Variants in MUC5B observed in about 807,000 individuals in gnomAD.
MUC5B encodes mucin 5B, oligomeric mucus/gel-forming.
A neutral mutation model predicts 376.9 loss-of-function variants in MUC5B; 116 were observed. The ratio of observed to expected loss-of-function variants is 0.31; its 90% CI spans 0.26 to 0.36. MUC5B has a LOEUF of 0.36. Ranked by LOEUF, MUC5B falls within the 10% of genes least tolerant of loss-of-function variation. The pLI is 1.00. For missense variants in MUC5B, 7,165 were observed against 7,769.9 expected, an observed-to-expected ratio of 0.92 and a Z score of 2.93; for synonymous variants, 3,517 against 3,390.9, an observed-to-expected ratio of 1.04 and a Z score of -1.29.
intron 9 of MUC5B, among the ~76,000 whole-genome samples, 185 bp downstream of exon 9, chr11:1,229,480 G>A (rs530085736): frequency 6.6e-6 from 1 of 152,278 alleles, no homozygotes; most frequent in Admixed American, 6.5e-5. Context: ...GAGGGAGGTA[G>A]AGCAGTGCCA....
intron 47 of MUC5B, 70 bp from the exon 48 acceptor site, chr11:1,260,556 C>G: frequency 2.7e-6 from 4 of 1,493,256 alleles, no homozygotes; most frequent in Middle Eastern, 1.7e-4. Flanking sequence ...TGGGGAGGGT[C>G]GGCCCAGCAA....
At position 1,246,569 on chromosome 11, in the gene MUC5B, C is replaced by G. The variant is rs754407460; in HGVS notation, c.9689C>G (p.Thr3230Ser). 9.3e-6 allele frequency: 15 copies of G among 1,613,590 alleles called. No individual in the cohort carries two copies. Among genetic ancestry groups the G allele is most frequent in the Non-Finnish European group, 1.3e-5 (15 of 1,179,734 alleles). The change falls in exon 31 of 49, where the codon ACC becomes AGC. Residue 3230 changes from threonine (T) to serine (S), a missense_variant. Coordinates refer to ENST00000529681, the MANE Select transcript of MUC5B (RefSeq NM_002458.3). ...CTTCCAGCACTGAGAAGCACAGCCA[C>G]CACACCCACAGCTACCAGCGTTACA... Reference protein sequence around the residue: ...TALPALRSTATTPTATSVTAI... With the variant: ...TALPALRSTASTPTATSVTAI...
In MUC5B at chr11:1,227,382, C is replaced by T. The variant is rs367602477; in HGVS notation, c.651C>T (p.Asn217=). Residue 217 remains asparagine, a synonymous_variant, in exon 6 of 49, where the codon AAC becomes AAT. Transcript: ENST00000529681. ...ACTTCAACGGCCTCCCGGCCTTCAA[C>T]GAGTTCTATGCCCACAGTGAGTGCC... is the stretch of plus-strand genomic sequence containing the variant. The part of the protein sequence containing the change: ...CGDFNGLPAF[N]EFYAHNARLT... The T allele has an allele frequency of 6.5e-5, 105 of 1,611,228 alleles. 1 individual carries two copies. The highest frequency in any genetic ancestry group is 4.9e-4 in the Middle Eastern group (3 of 6,076).
At chr11:1,256,536 C>T (rs1590192304) in intron 38 of MUC5B, 135 bp from the exon 39 acceptor site, 2 of 426,040 alleles carry the variant, frequency 4.7e-6, no homozygotes, top group Non-Finnish European at 4.2e-6. Flanking sequence ...CCCCCAGCCC[C>T]GCCCACCCTG....
Position 1,258,863 on chromosome 11 carries a change from G to A in MUC5B, c.16594-79G>A. 1 of 1,513,702 alleles carries A rather than the reference G, an allele frequency of 6.6e-7. No individual in the cohort carries two copies. The highest frequency in any genetic ancestry group is 1.2e-5 in the South Asian group (1 of 82,110). The allele number at this position is 1,513,702 out of a possible 1,614,324, so 93.8% of individuals were successfully genotyped here. Reference sequence around the variant, plus strand: ...CTGAGGAAGGAACAACTCCCTGCAGGCCCCATTGGGTCATGGGGAGGGGTC... The same window carrying A: ...CTGAGGAAGGAACAACTCCCTGCAGACCCCATTGGGTCATGGGGAGGGGTC... On this transcript the variant is annotated intron_variant, in intron 43 of 48. Coordinates refer to ENST00000529681, the MANE Select transcript of MUC5B (RefSeq NM_002458.3). This position sits in a 1 kb window ranked among gnomAD's most constrained non-coding sequence, Gnocchi z 5.5.
Position 1,233,087 on chromosome 11 carries a change from G to T in MUC5B, c.2140G>T (p.Gly714Cys). The T allele has an allele frequency of 6.2e-7, 1 of 1,607,482 alleles. No individual in the cohort carries two copies. ...GGATGCCTGCCAGCCCACTTGCCGC[G>T]GCCTGAGTGAGGCCGACGTCACCTG... Reference protein sequence around the residue: ...VVDACQPTCRGLSEADVTCSV... With the variant: ...VVDACQPTCRCLSEADVTCSV... Residue 714 changes from glycine to cysteine, a missense_variant, in exon 18 of 49, where the codon GGC becomes TGC. Gly to Cys is a radical substitution (Grantham distance 159). Around this residue, in one of 31 missense-constraint regions of MUC5B, gnomAD observed 530 missense variants for 604.0 expected, o/e 0.88. Transcript: ENST00000529681.
Position 1,244,913 on chromosome 11 carries a change from C to T in MUC5B, c.8033C>T (p.Ser2678Phe), listed in dbSNP as rs761404416. The change falls in exon 31 of 49, where the codon TCC (serine) becomes TTC (phenylalanine). Residue 2678 changes from serine to phenylalanine, a missense_variant. Around this residue, in one of 31 missense-constraint regions of MUC5B, gnomAD observed 141 missense variants for 111.2 expected, o/e 1.27. Transcript: ENST00000529681. ...TVATGSMATP[S>F]SSTQTSGTPP... Reference sequence around the variant, plus strand: ...GCCACTGGTTCTATGGCAACACCCTCCTCTAGCACACAGACCAGTGGTACT... The same window carrying T: ...GCCACTGGTTCTATGGCAACACCCTTCTCTAGCACACAGACCAGTGGTACT... 3.1e-6 allele frequency: 5 copies of T among 1,602,260 alleles called. No individual in the cohort carries two copies. The highest frequency in any genetic ancestry group is 2.2e-5 in the South Asian group (2 of 90,006).
intron 2 of MUC5B, among the ~76,000 whole-genome samples, chr11:1,225,955 C>T (rs946259714): frequency 3.3e-5 from 5 of 152,376 alleles, no homozygotes; most frequent in Admixed American, 1.3e-4. Flanking sequence ...GAAGCACACG[C>T]GTGGACAGGC....
At position 1,249,953 on chromosome 11, in the gene MUC5B, A is replaced by C. The variant is rs1313705443; in HGVS notation, c.13073A>C (p.Glu4358Ala). The change falls in exon 31 of 49, where the codon GAG becomes GCG. Residue 4358 changes from glutamate to alanine, a missense_variant. Glu to Ala is a moderately radical substitution (Grantham distance 107, BLOSUM62 -1). Transcript: ENST00000529681. ...ACAATCCACCCCTCCTCCACTCCGG[A>C]GACCACCCACACCTCCACAGTGCTG... ...MSTIHPSSTPETTHTSTVLTT... is the reference protein window; with the variant it reads ...MSTIHPSSTPATTHTSTVLTT... 6.2e-7 allele frequency: 1 copy of C among 1,608,430 alleles called. No individual in the cohort carries two copies. The highest frequency in any genetic ancestry group is 1.1e-5 in the South Asian group (1 of 90,806).
Position 1,246,237 on chromosome 11 carries a change from C to G in MUC5B, c.9357C>G (p.Thr3119=), listed in dbSNP as rs779956375. The G allele has an allele frequency of 1.9e-6, 3 of 1,612,536 alleles. No individual in the cohort carries two copies. Among genetic ancestry groups the G allele is most frequent in the South Asian group, 2.2e-5 (2 of 90,994 alleles). The change falls in exon 31 of 49, where the codon ACC becomes ACG. Residue 3119 remains threonine, a synonymous_variant. Coordinates refer to ENST00000529681, the MANE Select transcript of MUC5B (RefSeq NM_002458.3). ...LTTKATTTRA[T]SSMSTPSSTP... ...CGAAGGCCACCACGACAAGGGCCAC[C>G]AGTTCCATGTCCACCCCCTCCTCCA...
rs1300375881 is a variant in MUC5B, at chr11:1,239,423, C to T, written c.3455-15C>T. 1 of 1,603,446 alleles carries T rather than the reference C, an allele frequency of 6.2e-7. No homozygotes were observed. Among genetic ancestry groups the T allele is most frequent in the Non-Finnish European group, 8.5e-7 (1 of 1,173,566 alleles). ...CTGGTGGGCGCCTCCTTAGCCTCTG[C>T]CCTCTGTGCCCCAGCCTTGTTCTGT... On this transcript the variant is annotated splice_polypyrimidine_tract_variant and intron_variant, in intron 26 of 48. Coordinates refer to ENST00000529681, the MANE Select transcript of MUC5B (RefSeq NM_002458.3).
rs747368847 is a variant in MUC5B, at chr11:1,230,600, G to A, written c.1470G>A (p.Thr490=). ...CGCTCAGCCTGGACGGCGGGGACAC[G>A]GTGAGGACCTGGCTGGGGCCCTGGG... ...AVTLSLDGGD[T]AIRVQADGGV... The change falls in exon 12 of 49, where the codon ACG becomes ACA. Residue 490 remains threonine, a splice_region_variant and synonymous_variant. Coordinates refer to ENST00000529681, the MANE Select transcript of MUC5B (RefSeq NM_002458.3). The A allele has an allele frequency of 6.9e-6, 11 of 1,605,554 alleles. No homozygotes were observed. In the Admixed American group the frequency reaches 1.2e-4, roughly 17 times the overall value.
rs375254565 is a variant in MUC5B at position 1,250,760 on chromosome 11, C to T, written c.13880C>T (p.Thr4627Ile). ...VWISTTTTPT[T>I]TTPTTSGSTV... ...ATCAGCACAACCACCACACCCACAACCACCACACCCACAACCAGTGGCTCC... is the reference window on the plus strand; with the variant it reads ...ATCAGCACAACCACCACACCCACAATCACCACACCCACAACCAGTGGCTCC... The change falls in exon 31 of 49, where the codon ACC becomes ATC. Residue 4627 changes from threonine to isoleucine, a missense_variant. Physicochemically the swap from Thr to Ile is moderately conservative, Grantham distance 89 (BLOSUM62 -1). Transcript: ENST00000529681. The T allele has an allele frequency of 1.7e-5, 28 of 1,612,486 alleles. No homozygotes were observed. The African/African-American group carries it at 3.2e-4, about 18-fold the overall frequency.
In MUC5B at chr11:1,259,067, ACCCGAGGCACCTGCCCCCAGGTGAGCC is replaced by A. The variant is rs769063233; in HGVS notation, c.16713+26_16713+52del. The A allele has an allele frequency of 3.8e-5, 59 of 1,544,760 alleles. No homozygotes were observed. Among genetic ancestry groups the A allele is most frequent in the Non-Finnish European group, 4.4e-5 (50 of 1,145,130 alleles). On this transcript the variant is annotated splice_region_variant and intron_variant, in intron 44 of 48. Transcript: ENST00000529681. Reference sequence around the variant, plus strand: ...ACAATACTACCTGTCCCCAGGTGAGACCCGAGGCACCTGCCCCCAGGTGAGCCCCCGAGGCACCTGCCCCCAAGTGAG... The same window carrying A: ...ACAATACTACCTGTCCCCAGGTGAGACCCGAGGCACCTGCCCCCAAGTGAG...
chr11:1,234,993 C>G lies in MUC5B; in HGVS notation c.2631-92C>G. The G allele has an allele frequency of 6.8e-7, 1 of 1,469,762 alleles. No individual in the cohort carries two copies. The highest frequency in any genetic ancestry group is 2.4e-5 in the Admixed American group (1 of 41,892). 91.0% of individuals were successfully genotyped at this position (1,469,762 alleles called of 1,614,324 possible). A position where few individuals can be genotyped will look rare whatever the true frequency, so the allele number is the denominator to read the frequency against. On this transcript the variant is annotated intron_variant, in intron 21 of 48. Transcript: ENST00000529681. This position sits in a 1 kb window ranked among gnomAD's most constrained non-coding sequence, Gnocchi z 6.3. ...AGGCTGGGCCTGGGGAGGCTGAGGC[C>G]CCGTGCTGACCTGCACAGGCCTGGG... is the stretch of plus-strand genomic sequence containing the variant.
intron 38 of MUC5B, chr11:1,256,455 G>A (rs1280643115): frequency 3.7e-5 from 14 of 381,566 alleles, no homozygotes; most frequent in African/African-American, 1.4e-4. Flanking sequence ...ACCTGGCCCC[G>A]CCACCGAGCC....
chr11:1,258,882 AG>A lies in MUC5B; in HGVS notation c.16594-56del. The stretch of plus-strand genomic sequence containing the variant: ...CTGCAGGCCCCATTGGGTCATGGGG[AG>A]GGGTCCTGGCCCTGTTGCCCCACCA... On this transcript the variant is annotated intron_variant, in intron 43 of 48. Transcript: ENST00000529681. The surrounding 1 kb of genome is among the most constrained non-coding windows in gnomAD (Gnocchi z 5.5). 1 of 1,543,580 alleles carries A rather than the reference AG, an allele frequency of 6.5e-7. No individual in the cohort carries two copies. Among genetic ancestry groups the A allele is most frequent in the Non-Finnish European group, 8.7e-7 (1 of 1,143,728 alleles).
Position 1,251,179 on chromosome 11 carries a change from C to G in MUC5B, c.14299C>G (p.Gln4767Glu), listed in dbSNP as rs967855950. 2.5e-6 allele frequency: 4 copies of G among 1,610,886 alleles called. No homozygotes were observed. Among genetic ancestry groups the G allele is most frequent in the African/African-American group, 1.3e-5 (1 of 74,604 alleles). Residue 4767 changes from glutamine to glutamate, a missense_variant, in exon 31 of 49, where the codon CAG (glutamine) becomes GAG (glutamate). Transcript: ENST00000529681. ...GTGGACCACGTGGACCGTCCCAGCA[C>G]AGACCACCACACCCATGTCCACCAT... ...TLWTTWTVPA[Q>E]TTTPMSTMST...
intron 26 of MUC5B, 195 bp downstream of exon 26, chr11:1,239,222 A>G: frequency 4.5e-6 from 4 of 895,534 alleles, no homozygotes; most frequent in African/African-American, 1.6e-5. Context: ...AGGTTGCCCC[A>G]GCATGAGACA....
Sources: allele counts gnomAD v4.1 joint callset (sites outside exome capture counted in the v4.1 genomes callset), GRCh38; gene constraint gnomAD v4.1.1; regional missense constraint gnomAD v4.1.1; non-coding constraint Gnocchi (gnomAD v3.1); transcripts MANE v1.5; gene names NCBI Gene and HGNC (gene_info 2026-07-23, HGNC 2026-07-21).